ZNF726: variants seen among roughly 807,000 people sequenced by gnomAD.
The protein encoded by ZNF726 is zinc finger protein 726.
ZNF726 carries 15 observed loss-of-function variants against 11.6 expected under a neutral mutation model. The ratio of observed to expected loss-of-function variants is 1.29; its 90% CI spans 0.86 to 1.99. The LOEUF is 1.99. ZNF726 is among the 30% of genes most tolerant of loss of function. The pLI is 0.00. For synonymous variants in ZNF726, 295 were observed against 243.6 expected (o/e 1.21, Z -1.96); for missense variants, 890 against 725.6 (o/e 1.23, Z -2.60).
Position 23,932,523 on chromosome 19 carries a change from G to T in ZNF726, c.407G>T (p.Cys136Phe), listed in dbSNP as rs1395266087. 6.3e-7 allele frequency: 1 copy of T among 1,585,324 alleles called. No homozygotes were observed. Among genetic ancestry groups the T allele is most frequent in the African/African-American group, 1.4e-5 (1 of 73,416 alleles). The stretch of plus-strand genomic sequence containing the variant: ...GAAGGTTATAATGGACTTAACCAGT[G>T]TTTCACAACTACCCAGGGCAAAGCT... ...HKEGYNGLNQ[C>F]FTTTQGKASQ... is the part of the protein sequence containing the mutation. Residue 136 changes from cysteine (C) to phenylalanine (F), a missense_variant, in exon 4 of 4, where the codon TGT becomes TTT. Physicochemically the swap from Cys to Phe is radical, Grantham distance 205. Transcript: ENST00000594466.
intron 3 of ZNF726, among the ~76,000 whole-genome samples, chr19:23,939,861 G>GTTTTTTTTT (rs1405429449): frequency 2.5e-5 from 2 of 80,134 alleles, no homozygotes; most frequent in African/African-American, 9.9e-5. Context: ...TTTTTGATGG[G>GTTTTTTTTT]ATTTTTTTTT....
intron 3 of ZNF726, chr19:23,929,145 T>A (rs1280158646): frequency 6.6e-6 from 1 of 152,176 alleles, no homozygotes; most frequent in Non-Finnish European, 1.5e-5. Flanking sequence ...ACTTTTATTG[T>A]GATTGTTTTA....
rs149419892 is a variant in ZNF726 at position 23,922,147 on chromosome 19, A to G, written c.226+2065A>G. On this transcript the variant is annotated intron_variant, in intron 3 of 3. Transcript: ENST00000594466. ...TTGTCTTGTTAAACAGGGCTTGGAT[A>G]TTTGTAATTCTCATTTAAATTTTAG... Among the ~76,000 whole-genome samples, 211 of 152,326 alleles carry G rather than the reference A, an allele frequency of 1.4e-3. 5 individuals carry two copies. Among genetic ancestry groups the G allele is most frequent in the Non-Finnish European group, 4.9e-4 (33 of 68,038 alleles).
Position 23,933,585 on chromosome 19 carries a change from T to C in ZNF726, c.1469T>C (p.Phe490Ser). ...AAATGTGAAGAATGTGGCAAAGCTT[T>C]TAGCCAGTCCTCAACCCTTACTGCA... ...PYKCEECGKA[F>S]SQSSTLTAHK... The change falls in exon 4 of 4, where the codon TTT becomes TCT. Residue 490 changes from phenylalanine to serine, a missense_variant. Coordinates refer to ENST00000594466, the MANE Select transcript of ZNF726 (RefSeq NM_001244038.2). 6.2e-7 allele frequency: 1 copy of C among 1,612,062 alleles called. No individual in the cohort carries two copies. The highest frequency in any genetic ancestry group is 8.5e-7 in the Non-Finnish European group (1 of 1,179,326).
intron 1 of ZNF726, among the ~76,000 whole-genome samples, chr19:23,918,107 C>T (rs1423206726): frequency 2.0e-5 from 3 of 152,018 alleles, no homozygotes; most frequent in African/African-American, 4.8e-5. Flanking sequence ...GGAAGTAGCC[C>T]TTGTGACGGG....
chr19:23,934,845 A>G (rs1277234379), downstream of ZNF726, among the ~76,000 whole-genome samples: 1 of 152,252 alleles, frequency 6.6e-6, no homozygotes, highest in Non-Finnish European at 1.5e-5. Context: ...GTGCCTGGGC[A>G]CACAGTATGC....
At position 23,919,517 on chromosome 19, in the gene ZNF726, A is replaced by G. The variant is rs1967790469; in HGVS notation, c.130+18A>G. On this transcript the variant is annotated intron_variant, in intron 2 of 3. Transcript: ENST00000594466. ...CTTCCTGGGTGAGGATAACTTTAAT[A>G]CAAAATTTTTAATATAAACTAAAGC... 6.4e-7 allele frequency: 1 copy of G among 1,565,308 alleles called. No individual in the cohort carries two copies. Among genetic ancestry groups the G allele is most frequent in the East Asian group, 2.3e-5 (1 of 43,738 alleles).
chr19:23,925,091 G>A (rs1967951162), intron 3 of ZNF726, among the ~76,000 whole-genome samples: 1 of 152,006 alleles, frequency 6.6e-6, no homozygotes, highest in East Asian at 1.9e-4. Context: ...ATATATCTAA[G>A]TGAAATCGTA....
rs1238709006 is a variant in ZNF726, at chr19:23,933,690, C to T, written c.1574C>T (p.Ser525Phe). The part of the protein sequence containing the change: ...GKAFILSSTL[S>F]KHKRIHTGEK... Reference sequence around the variant, plus strand: ...GCATTTATATTGTCCTCGACCCTATCTAAACATAAGAGGATTCACACTGGA... The same window carrying T: ...GCATTTATATTGTCCTCGACCCTATTTAAACATAAGAGGATTCACACTGGA... Residue 525 changes from serine to phenylalanine, a missense_variant, in exon 4 of 4, where the codon TCT becomes TTT. By Grantham distance (155) the Ser-to-Phe change is radical. Transcript: ENST00000594466. 2 of 1,611,528 alleles carry T rather than the reference C, an allele frequency of 1.2e-6. No individual in the cohort carries two copies. The highest frequency in any genetic ancestry group is 2.7e-5 in the African/African-American group (2 of 74,624).
chr19:23,933,128 G>T lies in ZNF726; in HGVS notation c.1012G>T (p.Glu338Ter). 1 of 1,611,750 alleles carries T rather than the reference G, an allele frequency of 6.2e-7. No individual in the cohort carries two copies. Among genetic ancestry groups the T allele is most frequent in the African/African-American group, 1.4e-5 (1 of 73,376 alleles). ...LTRHKRLHSG[E>*]KPYKCEECAK... ...TAGACATAAGAGGCTGCACAGTGGA[G>T]AGAAACCCTACAAATGTGAAGAATG... Residue 338 changes from glutamate to a stop codon, truncating the protein, a stop_gained, in exon 4 of 4, where the codon GAG becomes TAG. Transcript: ENST00000594466. LOFTEE classifies it low-confidence loss of function (END_TRUNC).
intron 3 of ZNF726, among the ~76,000 whole-genome samples, chr19:23,939,598 C>T (rs1377375301): frequency 7.2e-5 from 11 of 152,142 alleles, no homozygotes; most frequent in Admixed American, 5.9e-4. Flanking sequence ...GGAATCTCCC[C>T]ACTTTTTTCC....
chr19:23,932,872 TG>T lies in ZNF726; in HGVS notation c.758del (p.Gly253GlufsTer20). On this transcript the variant is annotated frameshift_variant, in exon 4 of 4. Coordinates refer to ENST00000594466, the MANE Select transcript of ZNF726 (RefSeq NM_001244038.2). LOFTEE classifies it low-confidence loss of function (END_TRUNC). ...NYTTHKVTHT[G>X]EKPYKCEECG... ...ATACTACACATAAGGTAACTCATAC[TG>T]GAGAGAAGCCTTACAAGTGTGAAGA... The T allele has an allele frequency of 6.2e-7, 1 of 1,608,908 alleles. No individual in the cohort carries two copies. Among genetic ancestry groups the T allele is most frequent in the Non-Finnish European group, 8.5e-7 (1 of 1,177,912 alleles).
At chr19:23,915,022 C>G in intron 1 of ZNF726, 25 bp downstream of exon 1, 1 of 1,613,774 alleles carries the variant, frequency 6.2e-7, no homozygotes, top group Non-Finnish European at 8.5e-7. Context: ...TGCGACATCC[C>G]AAGAGAGGGA....
chr19:23,937,909 G>A (rs1256105387), downstream of ZNF726, among the ~76,000 whole-genome samples: 2 of 152,228 alleles, frequency 1.3e-5, no homozygotes, highest in Admixed American at 1.3e-4. Context: ...GTATGTTACT[G>A]TACTTTTATG....
In ZNF726 at chr19:23,917,689, AAAT is replaced by A. The variant is rs1172822701; in HGVS notation, c.4-1678_4-1676del. ...TTGTTTACTACCTGATTTTTAATAC[AAAT>A]AATAAAATAATACATTTACTGTCTG... On this transcript the variant is annotated intron_variant, in intron 1 of 3. Coordinates refer to ENST00000594466, the MANE Select transcript of ZNF726 (RefSeq NM_001244038.2). Among the ~76,000 whole-genome samples the A allele has an allele frequency of 2.6e-5, 4 of 152,270 alleles. No homozygotes were observed. In the East Asian group the frequency reaches 7.7e-4, roughly 29 times the overall value.
chr19:23,943,385 T>C, intron 3 of ZNF726: 1 of 425,432 alleles, frequency 2.4e-6, no homozygotes, highest in Admixed American at 3.7e-5. Context: ...AACAGTATTT[T>C]GAAATTAAAT....
At chr19:23,937,060 G>T (rs1455092304), downstream of ZNF726, among the ~76,000 whole-genome samples, 2 of 149,378 alleles carry the variant, frequency 1.3e-5, no homozygotes, top group African/African-American at 4.9e-5. Flanking sequence ...CTCACCTCCC[G>T]AACGGGGCGG....
At chr19:23,935,416 C>G (rs745974838), downstream of ZNF726, 4 of 522,354 alleles carry the variant, frequency 7.7e-6, no homozygotes, top group African/African-American at 1.9e-5. Context: ...AACCAGTCCT[C>G]ACATCTTACT....
chr19:23,938,608 T>C (rs1257483238), downstream of ZNF726, among the ~76,000 whole-genome samples: 1 of 147,106 alleles, frequency 6.8e-6, no homozygotes, highest in African/African-American at 2.5e-5. Flanking sequence ...TCTTTTTTTT[T>C]TCCTTTTTTT....
Sources: gnomAD v4.1 joint callset for allele counts (sites outside exome capture counted in the v4.1 genomes callset) on GRCh38, gnomAD v4.1.1 for gene constraint, MANE v1.5 for transcripts, NCBI Gene and HGNC (gene_info 2026-07-23, HGNC 2026-07-21) for gene names.